Variants in PPM1E observed in about 807,000 individuals in gnomAD.
PPM1E encodes the protein protein phosphatase, Mg2+/Mn2+ dependent 1E.
Under a neutral mutation model 65.9 loss-of-function variants are expected in PPM1E, and 20 were observed. That is an observed-to-expected ratio of 0.30 (90% CI 0.21 to 0.44). The LOEUF (loss-of-function observed/expected upper bound fraction) is 0.44, where lower values mean the gene tolerates loss of function less well. PPM1E is among the 20% of genes least tolerant of loss of function. The pLI, the probability that PPM1E is intolerant of heterozygous loss-of-function variation, is 1.00. For missense variants in PPM1E, 713 were observed against 953.1 expected (o/e 0.75, Z 3.32); for synonymous variants, 352 against 374.9 (o/e 0.94, Z 0.70).
At chr17:58,840,140 C>T (rs1371808681) in intron 1 of PPM1E, among the ~76,000 whole-genome samples, 1 of 152,202 alleles carries the variant, frequency 6.6e-6, no homozygotes, top group East Asian at 1.9e-4. Flanking sequence ...GTTTCTTCTC[C>T]TGCTGGACTA....
Position 58,980,024 on chromosome 17 carries a change from A to G in PPM1E, c.1261A>G (p.Thr421Ala), listed in dbSNP as rs755313270. Residue 421 changes from threonine (T) to alanine (A), a missense_variant, in exon 7 of 7, where the codon ACT becomes GCT. Physicochemically the swap from Thr to Ala is moderately conservative, Grantham distance 58. Coordinates refer to ENST00000308249, the MANE Select transcript of PPM1E (RefSeq NM_014906.5). This position sits in a 1 kb window ranked among gnomAD's most constrained non-coding sequence, Gnocchi z 4.7. ...YICGDADSAS[T>A]VLDGTEDYLI... ...CTGTGGGGATGCAGATTCTGCCTCC[A>G]CTGTTCTGGATGGGACCGAAGACTA... 4.3e-6 allele frequency: 7 copies of G among 1,614,066 alleles called. No homozygotes were observed. The South Asian group carries it at 7.7e-5, about 18-fold the overall frequency.
At chr17:58,803,677 G>A (rs546512109) in intron 1 of PPM1E, among the ~76,000 whole-genome samples, 17 of 152,152 alleles carry the variant, frequency 1.1e-4, no homozygotes, top group African/African-American at 3.9e-4. Context: ...TCCCCTAAGG[G>A]GCAAAATCAT....
At chr17:58,973,990 G>A (rs962733339) in intron 6 of PPM1E, among the ~76,000 whole-genome samples, 3 of 148,924 alleles carry the variant, frequency 2.0e-5, no homozygotes, top group South Asian at 2.1e-4. Flanking sequence ...ATTGCTGGGC[G>A]TAGTGGCTTG....
chr17:58,798,525 A>ATT (rs78922975), intron 1 of PPM1E, among the ~76,000 whole-genome samples: 31 of 89,830 alleles, frequency 3.5e-4, no homozygotes, highest in African/African-American at 5.8e-4. Context: ...ACACGGCCCT[A>ATT]TTTTTTTTTT....
In PPM1E at chr17:58,984,244, T is replaced by C. The variant is rs2031583318; in HGVS notation, c.*3213T>C. On this transcript the variant is annotated 3_prime_UTR_variant, in exon 7 of 7. Transcript: ENST00000308249. ...CTGAGTCTAATTTTGACCACATTTA[T>C]AGTGGTATAGTGTCAATACTGCATT... 1 of 152,612 alleles carries C rather than the reference T, an allele frequency of 6.6e-6. No homozygotes were observed. The highest frequency in any genetic ancestry group is 1.5e-5 in the Non-Finnish European group (1 of 68,030). The allele number at this position is 152,612 out of a possible 1,614,324, so 9.5% of individuals were successfully genotyped here.
At chr17:58,971,985 T>C in intron 4 of PPM1E, 147 bp from the exon 5 acceptor site, 1 of 751,094 alleles carries the variant, frequency 1.3e-6, no homozygotes, top group Middle Eastern at 3.9e-4. Flanking sequence ...ACAAATGCAT[T>C]GAGACAATGA....
chr17:58,847,096 T>G (rs1331938515), intron 1 of PPM1E, among the ~76,000 whole-genome samples: 1 of 152,216 alleles, frequency 6.6e-6, no homozygotes, highest in African/African-American at 2.4e-5. Flanking sequence ...TCATATCCTT[T>G]GCCCACTTTT....
At chr17:58,865,855 A>G (rs1390033546) in intron 1 of PPM1E, among the ~76,000 whole-genome samples, 1 of 152,248 alleles carries the variant, frequency 6.6e-6, no homozygotes, top group Non-Finnish European at 1.5e-5. Context: ...CATGATTGTT[A>G]GGTGAAAATT....
intron 1 of PPM1E, among the ~76,000 whole-genome samples, chr17:58,891,391 C>T (rs1439027144): frequency 6.6e-6 from 1 of 152,138 alleles, no homozygotes. Flanking sequence ...GATGCAGTCT[C>T]GGCTCACTGC....
chr17:58,966,057 T>C (rs769787837), intron 3 of PPM1E, 164 bp downstream of exon 3: 10 of 682,426 alleles, frequency 1.5e-5, no homozygotes, highest in Non-Finnish European at 2.4e-5. Context: ...GAAAAGGAAC[T>C]ATTTTACGTT....
intron 1 of PPM1E, among the ~76,000 whole-genome samples, chr17:58,845,291 C>T (rs935115445): frequency 2.7e-5 from 4 of 147,166 alleles, no homozygotes; most frequent in Non-Finnish European, 4.5e-5. Context: ...GTTCATGGGT[C>T]ATGGTTGGTT....
In PPM1E at chr17:58,901,189, A is replaced by T. The variant is rs1598639223; in HGVS notation, c.465-54460A>T. 1.3e-5 allele frequency among the ~76,000 whole-genome samples: 2 copies of T among 152,132 alleles called. 1 individual carries two copies. The highest frequency in any genetic ancestry group is 4.1e-4 in the South Asian group (2 of 4,820). ...ATTCTTGGTTCTTTTTCAAAGTTTG[A>T]TGTGGTTAAATCAAGGAGGAAAATA... is the stretch of plus-strand genomic sequence containing the variant. On this transcript the variant is annotated intron_variant, in intron 1 of 6. Coordinates refer to ENST00000308249, the MANE Select transcript of PPM1E (RefSeq NM_014906.5).
intron 1 of PPM1E, among the ~76,000 whole-genome samples, chr17:58,934,423 T>C (rs965384026): frequency 1.3e-5 from 2 of 152,182 alleles, no homozygotes; most frequent in African/African-American, 4.8e-5. Flanking sequence ...TTTGTAAATA[T>C]ATTTATTTTC....
At chr17:58,959,309 C>CAAAAAA (rs71145509) in intron 2 of PPM1E, among the ~76,000 whole-genome samples, 2 of 57,092 alleles carry the variant, frequency 3.5e-5, no homozygotes, top group Non-Finnish European at 6.4e-5. Flanking sequence ...GACTCCGTCT[C>CAAAAAA]AAAAAAAAAA....
At chr17:58,774,344 A>C (rs1235961563) in intron 1 of PPM1E, among the ~76,000 whole-genome samples, 2 of 152,164 alleles carry the variant, frequency 1.3e-5, no homozygotes, top group Non-Finnish European at 1.5e-5. Context: ...AAAGTGAATA[A>C]ATAGATATTT....
chr17:58,766,827 C>T (rs1216828566), intron 1 of PPM1E, among the ~76,000 whole-genome samples: 1 of 152,042 alleles, frequency 6.6e-6, no homozygotes, highest in Admixed American at 6.6e-5. Context: ...TTTATTAGTT[C>T]AAAGTGGTTC....
intron 1 of PPM1E, among the ~76,000 whole-genome samples, chr17:58,830,928 A>T (rs1598598557): frequency 2.1e-5 from 3 of 145,664 alleles, no homozygotes; most frequent in Admixed American, 2.1e-4. Flanking sequence ...CAAGTGATCC[A>T]CCCGCCTTGG....
intron 1 of PPM1E, among the ~76,000 whole-genome samples, chr17:58,798,182 T>G (rs1381100205): frequency 6.6e-6 from 1 of 152,130 alleles, no homozygotes; most frequent in Non-Finnish European, 1.5e-5. Flanking sequence ...CATTGTTGGA[T>G]ATGTGTTTTG....
intron 1 of PPM1E, among the ~76,000 whole-genome samples, chr17:58,758,397 G>A (rs1189072582): frequency 2.0e-5 from 3 of 151,860 alleles, no homozygotes; most frequent in South Asian, 2.1e-4. Context: ...GCGTGGTGTC[G>A]CGCGCCTGTA....
Sources: gnomAD v4.1 joint callset for allele counts (sites outside exome capture counted in the v4.1 genomes callset) on GRCh38, gnomAD v4.1.1 for gene constraint, Gnocchi (gnomAD v3.1) non-coding constraint, MANE v1.5 for transcripts, NCBI Gene and HGNC (gene_info 2026-07-23, HGNC 2026-07-21) for gene names.